Variants in CUL1 observed in about 807,000 individuals in gnomAD.
CUL1 encodes the protein cullin 1, also known as cullin-1.
Under a neutral mutation model 118.0 loss-of-function variants are expected in CUL1, and 24 were observed. The ratio of observed to expected loss-of-function variants is 0.20; its 90% CI spans 0.15 to 0.29. The LOEUF (loss-of-function observed/expected upper bound fraction) is 0.29, where lower values mean the gene tolerates loss of function less well. CUL1 is among the 10% of genes least tolerant of loss of function. The probability of loss-of-function intolerance (pLI) is 1.00; values close to 1 mark genes in which losing one functional copy is unlikely to be tolerated. For missense variants in CUL1, 361 were observed against 933.8 expected (o/e 0.39, Z 7.99); for synonymous variants, 332 against 340.4 (o/e 0.98, Z 0.27).
intron 1 of CUL1, among the ~76,000 whole-genome samples, chr7:148,701,131 G>T (rs1325501743): frequency 6.6e-6 from 1 of 151,848 alleles, no homozygotes; most frequent in African/African-American, 2.4e-5. Context: ...TGGTTGTGGT[G>T]GTGCCTCAGT....
At chr7:148,770,087 A>G (rs968220238) in intron 9 of CUL1, among the ~76,000 whole-genome samples, 1 of 152,340 alleles carries the variant, frequency 6.6e-6, no homozygotes, top group Middle Eastern at 3.4e-3. Flanking sequence ...GACTTTGTCA[A>G]TGAGTCTTGA....
intron 9 of CUL1, chr7:148,783,371 G>T (rs1489633938): frequency 1.0e-6 from 1 of 985,148 alleles, no homozygotes; most frequent in Non-Finnish European, 1.2e-6. Flanking sequence ...CCCTCGCGTT[G>T]CCTGCCCAGC....
intron 1 of CUL1, among the ~76,000 whole-genome samples, chr7:148,703,257 CT>C (rs1187224055): frequency 6.6e-6 from 1 of 152,170 alleles, no homozygotes; most frequent in Non-Finnish European, 1.5e-5. Flanking sequence ...TCTTCCTGGT[CT>C]TTTAGTAACA....
In CUL1 at chr7:148,790,364, C is replaced by T. The variant is rs765252536; in HGVS notation, c.1729C>T (p.Arg577Ter). 1 of 1,613,848 alleles carries T rather than the reference C, an allele frequency of 6.2e-7. No homozygotes were observed. Among genetic ancestry groups the T allele is most frequent in the Non-Finnish European group, 8.5e-7 (1 of 1,179,948 alleles). Residue 577 changes from arginine (R) to a stop codon, truncating the protein, a stop_gained, in exon 16 of 22, where the codon CGA (arginine) becomes TGA (stop). Coordinates refer to ENST00000325222, the MANE Select transcript of CUL1 (RefSeq NM_003592.3). LOFTEE classifies it high-confidence loss of function. ...TAFYASRHSGRKLTWLYQLSK... is the reference protein window; with the variant it reads ...TAFYASRHSG ...TTTCTACGCCAGCCGCCACAGTGGC[C>T]GAAAATTGACGTGGTTATATCAGTT...
chr7:148,701,844 TTTTG>T (rs1183962572), intron 1 of CUL1, among the ~76,000 whole-genome samples: 1 of 152,204 alleles, frequency 6.6e-6, no homozygotes, highest in African/African-American at 2.4e-5. Flanking sequence ...GAACTTGGTT[TTTTG>T]TTTGTTTTGC....
At chr7:148,724,488 C>T (rs750603347) in intron 1 of CUL1, among the ~76,000 whole-genome samples, 2 of 152,118 alleles carry the variant, frequency 1.3e-5, no homozygotes, top group Admixed American at 6.5e-5. Context: ...ATGCGGGCTC[C>T]GGGAGCCAGC....
At chr7:148,747,577 T>C (rs1341904053) in intron 2 of CUL1, among the ~76,000 whole-genome samples, 1 of 152,078 alleles carries the variant, frequency 6.6e-6, no homozygotes, top group Non-Finnish European at 1.5e-5. Flanking sequence ...TAAATACCCT[T>C]AAGTGTATAG....
At chr7:148,725,219 G>GCACGCGCACACACACACACACACA in intron 1 of CUL1, among the ~76,000 whole-genome samples, 1 of 140,060 alleles carries the variant, frequency 7.1e-6, no homozygotes, top group African/African-American at 2.8e-5. Context: ...ACACGCGCGC[G>GCACGCGCACACACACACACACACA]CTCACACACA....
At chr7:148,727,896 C>A (rs1798638738) in intron 1 of CUL1, among the ~76,000 whole-genome samples, 1 of 152,080 alleles carries the variant, frequency 6.6e-6, no homozygotes, top group African/African-American at 2.4e-5. Flanking sequence ...TCAGACTCTG[C>A]CTTGGCTCCC....
chr7:148,712,643 T>A (rs951833806), intron 1 of CUL1, among the ~76,000 whole-genome samples: 2 of 152,234 alleles, frequency 1.3e-5, no homozygotes, highest in African/African-American at 4.8e-5. Context: ...ATGCTTACCG[T>A]GTGTCAAGGA....
chr7:148,742,704 C>A (rs200384852), intron 2 of CUL1, among the ~76,000 whole-genome samples: 1 of 149,964 alleles, frequency 6.7e-6, no homozygotes, highest in Non-Finnish European at 1.5e-5. Context: ...CGGGTTCAAG[C>A]GATTCTCCTG....
chr7:148,736,917 G>A (rs951278678), intron 2 of CUL1, among the ~76,000 whole-genome samples: 4 of 152,196 alleles, frequency 2.6e-5, no homozygotes, highest in Admixed American at 6.5e-5. Flanking sequence ...ACACCATATG[G>A]AAAGGAACTG....
intron 2 of CUL1, among the ~76,000 whole-genome samples, chr7:148,751,955 A>G (rs1799505226): frequency 6.6e-6 from 1 of 152,124 alleles, no homozygotes; most frequent in African/African-American, 2.4e-5. Context: ...TGTCTACTAA[A>G]CATACAAAAT....
chr7:148,736,414 C>G (rs942323404), intron 2 of CUL1, among the ~76,000 whole-genome samples: 1 of 152,124 alleles, frequency 6.6e-6, no homozygotes, highest in African/African-American at 2.4e-5. Flanking sequence ...TTCCACCCCC[C>G]ACCCCACCTC....
rs748545076 is a variant in CUL1 at position 148,788,622 on chromosome 7, A to G, written c.1545A>G (p.Lys515=). The change falls in exon 14 of 22, where the codon AAA becomes AAG. Residue 515 remains lysine, a synonymous_variant. Transcript: ENST00000325222. The part of the protein sequence containing the change: ...QRMFQDIGVS[K]DLNEQFKKHL... ...TGTTTCAAGACATTGGCGTGAGCAA[A>G]GATCTGAACGAGCAATTCAAAAAGC... 1 of 1,614,202 alleles carries G rather than the reference A, an allele frequency of 6.2e-7. No homozygotes were observed. Among genetic ancestry groups the G allele is most frequent in the Non-Finnish European group, 8.5e-7 (1 of 1,180,034 alleles).
intron 1 of CUL1, among the ~76,000 whole-genome samples, chr7:148,699,682 C>T (rs763705727): frequency 1.1e-4 from 16 of 152,114 alleles, no homozygotes; most frequent in Non-Finnish European, 2.1e-4. Flanking sequence ...CCCTTTTGCC[C>T]CGTTCTCCTG....
At position 148,754,042 on chromosome 7, in the gene CUL1, T is replaced by A. The variant is rs779536681; in HGVS notation, c.207T>A (p.Pro69=). ...AAGCACGAGGAGCTGGAGTTCCTCC[T>A]TCTAAGTCGAAAAAGGGGCAGACAC... ...SNQARGAGVP[P]SKSKKGQTPG... is the part of the protein sequence containing the mutation. Residue 69 remains proline (P), a synonymous_variant, in exon 3 of 22, where the codon CCT becomes CCA. Transcript: ENST00000325222. 3 of 1,614,048 alleles carry A rather than the reference T, an allele frequency of 1.9e-6. No homozygotes were observed. The highest frequency in any genetic ancestry group is 2.2e-5 in the South Asian group (2 of 91,040).
At chr7:148,784,360 G>A (rs977365357) in intron 11 of CUL1, among the ~76,000 whole-genome samples, 1 of 152,156 alleles carries the variant, frequency 6.6e-6, no homozygotes, top group Non-Finnish European at 1.5e-5. Flanking sequence ...AGACAAGATC[G>A]GGCACGTTCA....
rs146686406 is a variant in CUL1 at position 148,770,373 on chromosome 7, A to G, written c.1083+2624A>G. Among the ~76,000 whole-genome samples the G allele has an allele frequency of 6.5e-3, 988 of 152,352 alleles. 17 individuals are homozygous for G. Among genetic ancestry groups the G allele is most frequent in the African/African-American group, 0.022 (929 of 41,582 alleles). ...ACCCACGTTGCATCTGCCTTCACTC[A>G]CAAAAGTCAAATATTAGTTTTTTTT... is the stretch of plus-strand genomic sequence containing the variant. On this transcript the variant is annotated intron_variant, in intron 9 of 21. Transcript: ENST00000325222.
Sources: gnomAD v4.1 joint callset for allele counts (sites outside exome capture counted in the v4.1 genomes callset) on GRCh38, gnomAD v4.1.1 for gene constraint, MANE v1.5 for transcripts, NCBI Gene and HGNC (gene_info 2026-07-23, HGNC 2026-07-21) for gene names.